ANO4: variants seen among roughly 807,000 people sequenced by gnomAD.
The protein encoded by ANO4 is anoctamin-4.
Under a neutral mutation model 141.9 loss-of-function variants are expected in ANO4, and 69 were observed. The ratio of observed to expected loss-of-function variants is 0.49; its 90% CI spans 0.40 to 0.59. The LOEUF is 0.59. Among genes scored for constraint, ANO4 ranks in the 20% least tolerant of loss-of-function variants. The pLI is 0.00. For synonymous variants in ANO4, 350 were observed against 394.3 expected (o/e 0.89, Z 1.33); for missense variants, 894 against 1,162.2 (o/e 0.77, Z 3.36).
At chr12:101,078,882 A>G in intron 14 of ANO4, among the ~76,000 whole-genome samples, 1 of 152,244 alleles carries the variant, frequency 6.6e-6, no homozygotes, top group Non-Finnish European at 1.5e-5. Context: ...TCGGTAACCC[A>G]GTTTTCTGAA....
chr12:100,863,431 A>G (rs1270396137), intron 1 of ANO4, among the ~76,000 whole-genome samples: 1 of 152,130 alleles, frequency 6.6e-6, no homozygotes, highest in African/African-American at 2.4e-5. Context: ...TCTAACTAGG[A>G]AGCCTCTCCT....
At chr12:100,970,042 A>G (rs114061236) in intron 5 of ANO4, among the ~76,000 whole-genome samples, 203 of 152,218 alleles carry the variant, frequency 1.3e-3, no homozygotes, top group African/African-American at 4.6e-3. Flanking sequence ...TTACTTCCCT[A>G]TGTTCTGGGT....
At chr12:100,971,176 C>G (rs2043918209) in intron 5 of ANO4, 130 bp from the exon 6 acceptor site, 1 of 547,872 alleles carries the variant, frequency 1.8e-6, no homozygotes, top group African/African-American at 1.9e-5. Context: ...TTGTAAGGGT[C>G]TGGCCTATTG....
At chr12:101,124,397 A>G (rs1256646242) in intron 26 of ANO4, among the ~76,000 whole-genome samples, 1 of 152,118 alleles carries the variant, frequency 6.6e-6, no homozygotes, top group South Asian at 2.1e-4. Flanking sequence ...AGATTACAAA[A>G]ATGTTCTCCC....
chr12:100,983,217 G>C (rs1447883657), intron 7 of ANO4, among the ~76,000 whole-genome samples: 1 of 152,208 alleles, frequency 6.6e-6, no homozygotes, highest in Non-Finnish European at 1.5e-5. Flanking sequence ...GGTGAGAACA[G>C]CATGTGGAAT....
intron 1 of ANO4, among the ~76,000 whole-genome samples, chr12:100,840,123 AAAT>A (rs3058372): frequency 4.7e-5 from 7 of 149,832 alleles, no homozygotes; most frequent in South Asian, 2.1e-4. Flanking sequence ...CTTAAACCAA[AAAT>A]AATAATAATA....
intron 2 of ANO4, among the ~76,000 whole-genome samples, chr12:100,918,282 G>A (rs939404213): frequency 1.3e-5 from 2 of 152,104 alleles, no homozygotes; most frequent in Admixed American, 1.3e-4. Context: ...AGCTGTGTTC[G>A]CACCACTGCA....
chr12:100,944,467 TA>T (rs148652148), intron 5 of ANO4, among the ~76,000 whole-genome samples: 2,857 of 152,234 alleles, frequency 0.019, 83 homozygotes, highest in African/African-American at 0.065. Flanking sequence ...CAAAACATCA[TA>T]AAAACTTATC....
intron 17 of ANO4, among the ~76,000 whole-genome samples, chr12:101,091,806 T>C (rs1490387869): frequency 1.3e-5 from 2 of 152,080 alleles, no homozygotes; most frequent in Non-Finnish European, 2.9e-5. Context: ...GACTTTTTGC[T>C]AGATTTGTCC....
At chr12:100,836,171 A>T (rs2036900487) in intron 1 of ANO4, among the ~76,000 whole-genome samples, 1 of 152,090 alleles carries the variant, frequency 6.6e-6, no homozygotes, top group Non-Finnish European at 1.5e-5. Context: ...TTCATTTATC[A>T]ATAAGTTTTT....
chr12:100,819,077 ATATT>A (rs1419171225), intron 1 of ANO4, among the ~76,000 whole-genome samples: 4 of 150,602 alleles, frequency 2.7e-5, no homozygotes, highest in Non-Finnish European at 5.9e-5. Flanking sequence ...GTGTATATAT[ATATT>A]TCTATTTTAA....
chr12:100,968,655 G>C (rs925805944), intron 5 of ANO4, among the ~76,000 whole-genome samples: 1 of 152,064 alleles, frequency 6.6e-6, no homozygotes, highest in African/African-American at 2.4e-5. Context: ...TAAAGAAAAA[G>C]AACTATTTTT....
chr12:101,107,606 ATTGT>A (rs1159841396), intron 22 of ANO4, among the ~76,000 whole-genome samples: 3 of 152,154 alleles, frequency 2.0e-5, no homozygotes, highest in Non-Finnish European at 2.9e-5. Flanking sequence ...AGAGTAGAGG[ATTGT>A]TTGGGAAACC....
At chr12:100,733,865 C>T in intron 2 of ANO4, 2 of 689,686 alleles carry the variant, frequency 2.9e-6, no homozygotes, top group South Asian at 3.1e-5. Flanking sequence ...TAGGTGAGCA[C>T]TAGTGTCATT....
intron 9 of ANO4, among the ~76,000 whole-genome samples, chr12:101,028,456 C>T (rs1455296175): frequency 6.6e-6 from 1 of 152,004 alleles, no homozygotes; most frequent in Non-Finnish European, 1.5e-5. Flanking sequence ...GAGCTGATAA[C>T]TAGAGAGAGT....
At chr12:100,749,331 C>G (rs1052740629) in intron 3 of ANO4, among the ~76,000 whole-genome samples, 1 of 152,166 alleles carries the variant, frequency 6.6e-6, no homozygotes, top group Non-Finnish European at 1.5e-5. Context: ...TACTACTTCT[C>G]TGTGAAAAAC....
chr12:101,024,736 A>G (rs1242448497), intron 9 of ANO4, among the ~76,000 whole-genome samples: 1 of 152,214 alleles, frequency 6.6e-6, no homozygotes, highest in East Asian at 1.9e-4. Flanking sequence ...AGCTTTCTAC[A>G]TAGTAATTCA....
chr12:100,772,838 A>T (rs1181273268), intron 3 of ANO4, among the ~76,000 whole-genome samples: 1 of 152,234 alleles, frequency 6.6e-6, no homozygotes, highest in African/African-American at 2.4e-5. Flanking sequence ...TGTGTAAGGA[A>T]GATGTAAAAA....
chr12:100,994,103 T>C (rs888185833), intron 8 of ANO4, among the ~76,000 whole-genome samples: 2 of 152,126 alleles, frequency 1.3e-5, no homozygotes, highest in Non-Finnish European at 2.9e-5. Context: ...CAAAAATGTT[T>C]CCAGACACTG....
Sources: gnomAD v4.1 joint callset for allele counts (sites outside exome capture counted in the v4.1 genomes callset) on GRCh38, gnomAD v4.1.1 for gene constraint, MANE v1.5 for transcripts, NCBI Gene and HGNC (gene_info 2026-07-23, HGNC 2026-07-21) for gene names.